PHKB: variants seen among roughly 807,000 people sequenced by gnomAD.
The protein encoded by PHKB is phosphorylase kinase regulatory subunit beta, also known as phosphorylase b kinase regulatory subunit beta.
In PHKB, 122 loss-of-function variants were observed where a neutral mutation model predicts 152.1. The ratio of observed to expected loss-of-function variants is 0.80; its 90% CI spans 0.69 to 0.93. The LOEUF (loss-of-function observed/expected upper bound fraction) is 0.93, where lower values mean the gene tolerates loss of function less well. Among genes scored for constraint, PHKB ranks in the 40% least tolerant of loss-of-function variants. PHKB has a pLI of 0.00. For synonymous variants in PHKB, 436 were observed against 464.9 expected, an observed-to-expected ratio of 0.94 and a Z score of 0.80; for missense variants, 1,304 against 1,328.4, an observed-to-expected ratio of 0.98 and a Z score of 0.29.
chr16:47,636,422 C>T (rs978284816), intron 14 of PHKB, among the ~76,000 whole-genome samples: 1 of 152,136 alleles, frequency 6.6e-6, no homozygotes, highest in Non-Finnish European at 1.5e-5. Flanking sequence ...GGGCAGGGGC[C>T]CCATGCTCTC....
intron 14 of PHKB, among the ~76,000 whole-genome samples, chr16:47,617,265 A>C (rs2151712730): frequency 6.8e-6 from 1 of 147,996 alleles, no homozygotes; most frequent in South Asian, 2.1e-4. Flanking sequence ...ATATAATATA[A>C]ATTTTTTTAT....
At chr16:47,691,323 C>T (rs1361716244) in intron 27 of PHKB, among the ~76,000 whole-genome samples, 3 of 152,104 alleles carry the variant, frequency 2.0e-5, no homozygotes, top group Non-Finnish European at 4.4e-5. Context: ...GTAAAATTGA[C>T]AAAATTTGAA....
Position 47,602,722 on chromosome 16 carries a change from A to G in PHKB, c.1363+6191A>G, listed in dbSNP as rs117400718. Among the ~76,000 whole-genome samples, 595 of 151,986 alleles carry G rather than the reference A, an allele frequency of 3.9e-3. 1 individual carries two copies. The highest frequency in any genetic ancestry group is 6.8e-3 in the Middle Eastern group (2 of 294). ...CCATGAGCATTAATTTTTTATTTTT[A>G]TGTTATAAGGATTAGCTGGTAAGGA... On this transcript the variant is annotated intron_variant, in intron 13 of 30. Transcript: ENST00000323584.
At position 47,693,291 on chromosome 16, in the gene PHKB, T is replaced by G. The variant is rs1974093735; in HGVS notation, c.2766-87T>G. 3.7e-6 allele frequency: 5 copies of G among 1,351,970 alleles called. No homozygotes were observed. The African/African-American group carries it at 4.3e-5, about 12-fold the overall frequency. The allele number at this position is 1,351,970 out of a possible 1,614,324, so 83.7% of individuals were successfully genotyped here. A position where few individuals can be genotyped will look rare whatever the true frequency, so the allele number is the denominator to read the frequency against. On this transcript the variant is annotated intron_variant, in intron 27 of 30. Coordinates refer to ENST00000323584, the MANE Select transcript of PHKB (RefSeq NM_000293.3). ...GCTTTGGCTTTTATTTCTTACCCTATCAGAACAATTAGTTCATATTGAAAG... is the reference window on the plus strand; with the variant it reads ...GCTTTGGCTTTTATTTCTTACCCTAGCAGAACAATTAGTTCATATTGAAAG...
chr16:47,674,172 CTT>C (rs983606500), intron 26 of PHKB, among the ~76,000 whole-genome samples: 9 of 141,844 alleles, frequency 6.3e-5, no homozygotes, highest in Non-Finnish European at 1.2e-4. Flanking sequence ...TTTTTTTCGT[CTT>C]TTGTCTGCCA....
chr16:47,603,930 A>G (rs1972279683), intron 13 of PHKB, among the ~76,000 whole-genome samples: 1 of 152,158 alleles, frequency 6.6e-6, no homozygotes, highest in African/African-American at 2.4e-5. Context: ...TAAGGCCCAT[A>G]AGAGTTTAAC....
At chr16:47,662,990 A>G (rs1973469968) in intron 23 of PHKB, among the ~76,000 whole-genome samples, 1 of 152,178 alleles carries the variant, frequency 6.6e-6, no homozygotes, top group Non-Finnish European at 1.5e-5. Context: ...TATTCATTAA[A>G]TGTTTTAAAT....
chr16:47,551,048 G>A (rs1971261844), intron 7 of PHKB, among the ~76,000 whole-genome samples: 1 of 152,056 alleles, frequency 6.6e-6, no homozygotes, highest in Non-Finnish European at 1.5e-5. Flanking sequence ...TATTTCTGTG[G>A]GATCAGTGAT....
At chr16:47,515,251 A>C (rs967535922) in intron 5 of PHKB, among the ~76,000 whole-genome samples, 7 of 152,188 alleles carry the variant, frequency 4.6e-5, no homozygotes, top group African/African-American at 1.7e-4. Context: ...AAACCAAATG[A>C]TGTAGAAACA....
chr16:47,640,407 T>TCA, intron 14 of PHKB, among the ~76,000 whole-genome samples: 1 of 152,294 alleles, frequency 6.6e-6, no homozygotes, highest in Middle Eastern at 3.4e-3. Context: ...CGAATCTTTA[T>TCA]CACACAAAAA....
At chr16:47,476,946 C>T (rs535379722) in intron 1 of PHKB, among the ~76,000 whole-genome samples, 1 of 152,328 alleles carries the variant, frequency 6.6e-6, no homozygotes, top group East Asian at 1.9e-4. Context: ...TATCCAGCCT[C>T]CTGTCTTCCT....
intron 26 of PHKB, among the ~76,000 whole-genome samples, chr16:47,681,159 T>C (rs772584503): frequency 1.3e-5 from 2 of 152,230 alleles, no homozygotes; most frequent in African/African-American, 4.8e-5. Flanking sequence ...TTCTGTTCTT[T>C]TACATTTGCT....
chr16:47,573,945 A>G (rs2151689390), intron 7 of PHKB, among the ~76,000 whole-genome samples: 1 of 152,090 alleles, frequency 6.6e-6, no homozygotes, highest in South Asian at 2.1e-4. Context: ...TTATATGTGA[A>G]GTCTTGCTCT....
At chr16:47,587,891 T>C in intron 9 of PHKB, 128 bp downstream of exon 9, 2 of 766,444 alleles carry the variant, frequency 2.6e-6, no homozygotes, top group Non-Finnish European at 4.4e-6. Context: ...GAGGACATGA[T>C]AGATATTGCC....
Position 47,699,567 on chromosome 16 carries a change from A to G in PHKB, c.*201A>G. On this transcript the variant is annotated 3_prime_UTR_variant, in exon 31 of 31. Coordinates refer to ENST00000323584, the MANE Select transcript of PHKB (RefSeq NM_000293.3). ...GGTAAATGCTTTTAATCAAGCAGGA[A>G]AAAGTTCTCATGATTATGCCAACTA... 1.6e-6 allele frequency: 1 copy of G among 638,868 alleles called. No homozygotes were observed. Among genetic ancestry groups the G allele is most frequent in the Non-Finnish European group, 2.8e-6 (1 of 352,428 alleles). The allele number at this position is 638,868 out of a possible 1,614,324, so 39.6% of individuals were successfully genotyped here.
In PHKB at chr16:47,649,193, G is replaced by C. The variant is rs911309723; in HGVS notation, c.1786G>C (p.Asp596His). 1.9e-6 allele frequency: 3 copies of C among 1,572,976 alleles called. No homozygotes were observed. Among genetic ancestry groups the C allele is most frequent in the Non-Finnish European group, 2.6e-6 (3 of 1,142,676 alleles). Residue 596 changes from aspartate (D) to histidine (H), a missense_variant, in exon 18 of 31, where the codon GAT (aspartate) becomes CAT (histidine). Asp to His is a moderately conservative substitution (Grantham distance 81). Coordinates refer to ENST00000323584, the MANE Select transcript of PHKB (RefSeq NM_000293.3). ...YMSQDVFLLI[D>H]DIKNALQFIK... is the part of the protein sequence containing the mutation. ...GTCTCAGGATGTTTTCCTGCTGATA[G>C]ATGACATAAAGGTAGCTTCGGAACA...
rs893202256 is a variant in PHKB, at chr16:47,566,712, A to G, written c.711-13583A>G. The G allele has an allele frequency of 3.9e-6, 3 of 778,652 alleles. No individual in the cohort carries two copies. In the African/African-American group the frequency reaches 5.1e-5, roughly 13 times the overall value. The allele number at this position is 778,652 out of a possible 1,614,324, so 48.2% of individuals were successfully genotyped here. A position where few individuals can be genotyped will look rare whatever the true frequency, so the allele number is the denominator to read the frequency against. Reference sequence around the variant, plus strand: ...ACGGTCAATTGGAGGTGCCCTATACACATCTTCATCATTACTGTTCCAAGT... The same window carrying G: ...ACGGTCAATTGGAGGTGCCCTATACGCATCTTCATCATTACTGTTCCAAGT... On this transcript the variant is annotated intron_variant, in intron 7 of 30. Coordinates refer to ENST00000323584, the MANE Select transcript of PHKB (RefSeq NM_000293.3).
intron 26 of PHKB, among the ~76,000 whole-genome samples, chr16:47,685,276 T>C (rs1219012141): frequency 6.6e-6 from 1 of 152,136 alleles, no homozygotes; most frequent in Admixed American, 6.5e-5. Context: ...AATACAAAAA[T>C]TAGCTGGGTG....
At chr16:47,673,872 A>T (rs1426302414) in intron 26 of PHKB, among the ~76,000 whole-genome samples, 1 of 152,208 alleles carries the variant, frequency 6.6e-6, no homozygotes, top group African/African-American at 2.4e-5. Context: ...TTTACAACAA[A>T]GAAATTGAGA....
Sources: gnomAD v4.1 joint callset for allele counts (sites outside exome capture counted in the v4.1 genomes callset) on GRCh38, gnomAD v4.1.1 for gene constraint, MANE v1.5 for transcripts, NCBI Gene and HGNC (gene_info 2026-07-23, HGNC 2026-07-21) for gene names.